Variants in ZNF793 observed in about 807,000 individuals in gnomAD.
ZNF793 encodes the protein zinc finger protein 793.
ZNF793 carries 5 observed loss-of-function variants against 12.4 expected under a neutral mutation model. The observed-to-expected ratio is 0.40, with a 90% CI of 0.21 to 0.84. The LOEUF (loss-of-function observed/expected upper bound fraction) is 0.84. Ranked by LOEUF, ZNF793 falls within the 40% of genes least tolerant of loss-of-function variation. The pLI is 0.35. For missense variants in ZNF793, 456 were observed against 495.0 expected, an observed-to-expected ratio of 0.92 and a Z score of 0.75; for synonymous variants, 162 against 172.4, an observed-to-expected ratio of 0.94 and a Z score of 0.47.
intron 5 of ZNF793, among the ~76,000 whole-genome samples, chr19:37,530,082 A>T (rs938904231): frequency 1.4e-4 from 22 of 152,206 alleles, no homozygotes; most frequent in African/African-American, 5.3e-4. Context: ...TCTCTGCATC[A>T]TAGACAAGGT....
rs577662455 is a variant in ZNF793, at chr19:37,517,537, A to G, written c.-275-2647A>G. Among the ~76,000 whole-genome samples the G allele has an allele frequency of 1.2e-4, 18 of 152,130 alleles. No individual in the cohort carries two copies. The South Asian group carries it at 3.7e-3, about 32-fold the overall frequency. On this transcript the variant is annotated intron_variant, in intron 2 of 7. Transcript: ENST00000627814. ...GCAAATCTGTCTCTGAGAGGCAGCA[A>G]GACTGAGAAGTTATAAACCCAAGCG...
intron 5 of ZNF793, among the ~76,000 whole-genome samples, chr19:37,527,378 G>T (rs1289263599): frequency 1.3e-5 from 2 of 152,102 alleles, no homozygotes; most frequent in Admixed American, 1.3e-4. Flanking sequence ...CTTTCTTACA[G>T]ATTTCAAAAT....
Position 37,523,471 on chromosome 19 carries a change from G to A in ZNF793, c.15+17G>A, listed in dbSNP as rs770778541. On this transcript the variant is annotated intron_variant, in intron 5 of 7. Coordinates refer to ENST00000627814, the MANE Select transcript of ZNF793 (RefSeq NM_001013659.3). ...GAATACCAGGTAAGTATCACATTAA[G>A]TAGCCCAGTTTTCCTTCCTGGGGAA... The A allele has an allele frequency of 1.4e-5, 23 of 1,613,014 alleles. No individual in the cohort carries two copies. Among genetic ancestry groups the A allele is most frequent in the Non-Finnish European group, 1.5e-5 (18 of 1,179,162 alleles).
rs907522285 is a variant in ZNF793 at position 37,538,599 on chromosome 19, G to A, written c.*720G>A. On this transcript the variant is annotated 3_prime_UTR_variant, in exon 8 of 8. Transcript: ENST00000627814. ...TGGGATTACAGGCATGAGCCAACGC[G>A]CCCAACCGACAGTGTTGTATCATAA... 13 of 151,688 alleles carry A rather than the reference G, an allele frequency of 8.6e-5. No individual in the cohort carries two copies. The highest frequency in any genetic ancestry group is 2.1e-4 in the South Asian group (1 of 4,814). 9.4% of individuals were successfully genotyped at this position (151,688 alleles called of 1,614,324 possible).
At chr19:37,528,893 A>C (rs1204346409) in intron 5 of ZNF793, among the ~76,000 whole-genome samples, 1 of 152,036 alleles carries the variant, frequency 6.6e-6, no homozygotes, top group Non-Finnish European at 1.5e-5. Flanking sequence ...GAGGAATCTC[A>C]CTTTTGTGCT....
intron 5 of ZNF793, among the ~76,000 whole-genome samples, chr19:37,524,986 C>G (rs1302875985): frequency 6.6e-6 from 1 of 152,148 alleles, no homozygotes; most frequent in Admixed American, 6.6e-5. Flanking sequence ...CAAGTGCTAG[C>G]TCCCCAATGA....
rs1236951775 is a variant in ZNF793, at chr19:37,540,531, T to C, written c.*2652T>C. On this transcript the variant is annotated 3_prime_UTR_variant, in exon 8 of 8. Transcript: ENST00000627814. Reference sequence around the variant, plus strand: ...ATGTGTTAATTTACATTGTAATAGATGGGAACCACTTAAAGCGGTTTTTCT... The same window carrying C: ...ATGTGTTAATTTACATTGTAATAGACGGGAACCACTTAAAGCGGTTTTTCT... The C allele has an allele frequency of 1.0e-5, 1 of 97,608 alleles. No individual in the cohort carries two copies. Among genetic ancestry groups the C allele is most frequent in the African/African-American group, 2.9e-5 (1 of 33,930 alleles). The allele number at this position is 97,608 out of a possible 1,614,324, so 6.0% of individuals were successfully genotyped here.
chr19:37,522,372 A>G (rs1481356172), intron 3 of ZNF793, among the ~76,000 whole-genome samples, 160 bp from the exon 4 acceptor site: 1 of 151,850 alleles, frequency 6.6e-6, no homozygotes, highest in Non-Finnish European at 1.5e-5. Flanking sequence ...AAATTTTTGT[A>G]TTTTTAGTAG....
At chr19:37,507,035 G>A (rs2042254288) in intron 1 of ZNF793, 69 bp downstream of exon 1, 1 of 152,340 alleles carries the variant, frequency 6.6e-6, no homozygotes, top group African/African-American at 2.4e-5. Context: ...GGGAAGGCAC[G>A]GTTTGAGAAA....
intron 5 of ZNF793, among the ~76,000 whole-genome samples, chr19:37,531,117 C>T (rs1283433041): frequency 2.0e-5 from 3 of 152,054 alleles, no homozygotes; most frequent in Non-Finnish European, 1.5e-5. Flanking sequence ...GCATACACTT[C>T]TTCTTGGATG....
At chr19:37,530,672 A>C (rs888817778) in intron 5 of ZNF793, among the ~76,000 whole-genome samples, 3 of 152,202 alleles carry the variant, frequency 2.0e-5, no homozygotes, top group Non-Finnish European at 4.4e-5. Context: ...ATCTCAAGGC[A>C]GAAGAATTTT....
rs2042539058 is a variant in ZNF793, at chr19:37,539,724, ATAAACT to A, written c.*1849_*1854del. On this transcript the variant is annotated 3_prime_UTR_variant, in exon 8 of 8. Transcript: ENST00000627814. ...AAAAGAGGAGGTGGATGCTTTTCTA[ATAAACT>A]TAAGTTATGAAAACTGCAATAAGAA... The A allele has an allele frequency of 6.6e-6, 1 of 152,220 alleles. No homozygotes were observed. Among genetic ancestry groups the A allele is most frequent in the South Asian group, 2.1e-4 (1 of 4,832 alleles). The allele number at this position is 152,220 out of a possible 1,614,324, so 9.4% of individuals were successfully genotyped here.
At chr19:37,518,430 C>T (rs1370932833) in intron 2 of ZNF793, among the ~76,000 whole-genome samples, 2 of 151,954 alleles carry the variant, frequency 1.3e-5, no homozygotes, top group African/African-American at 4.8e-5. Flanking sequence ...ACCTGGCCTC[C>T]ACTACTATTT....
At chr19:37,528,740 C>T (rs937712117) in intron 5 of ZNF793, among the ~76,000 whole-genome samples, 5 of 152,090 alleles carry the variant, frequency 3.3e-5, no homozygotes, top group Non-Finnish European at 2.9e-5. Context: ...GCCCATAACC[C>T]GAGGCCTGCC....
intron 2 of ZNF793, among the ~76,000 whole-genome samples, chr19:37,513,861 T>C (rs1452572162): frequency 4.6e-5 from 7 of 152,198 alleles, no homozygotes; most frequent in Admixed American, 2.6e-4. Flanking sequence ...CCAACTGTGA[T>C]TGATTTTCTG....
In ZNF793 at chr19:37,540,960, T is replaced by C. The variant is rs1040536451; in HGVS notation, c.*3081T>C. The C allele has an allele frequency of 1.3e-5, 2 of 151,906 alleles. No homozygotes were observed. Among genetic ancestry groups the C allele is most frequent in the African/African-American group, 4.8e-5 (2 of 41,400 alleles). 9.4% of individuals were successfully genotyped at this position (151,906 alleles called of 1,614,324 possible). On this transcript the variant is annotated 3_prime_UTR_variant, in exon 8 of 8. Transcript: ENST00000627814. ...ACCCAATAAATATATACAACAATTA[T>C]ATATCTATAATAATTAAAAATTTTT... is the stretch of plus-strand genomic sequence containing the variant.
chr19:37,518,095 C>T (rs2042346655), intron 2 of ZNF793, among the ~76,000 whole-genome samples: 1 of 151,982 alleles, frequency 6.6e-6, no homozygotes, highest in South Asian at 2.1e-4. Flanking sequence ...AATGCAGTTC[C>T]AAGTCGGAGT....
intron 1 of ZNF793, among the ~76,000 whole-genome samples, chr19:37,508,019 C>T (rs1048829303): frequency 6.6e-6 from 1 of 152,142 alleles, no homozygotes; most frequent in Non-Finnish European, 1.5e-5. Flanking sequence ...GGCTGCAAGC[C>T]TGCATAGCGG....
intron 1 of ZNF793, chr19:37,507,442 G>A (rs982485063): frequency 2.6e-5 from 4 of 152,240 alleles, no homozygotes; most frequent in Admixed American, 2.6e-4. Context: ...GGCAGTAATA[G>A]TTTGGGTACT....
Sources: allele counts gnomAD v4.1 joint callset (sites outside exome capture counted in the v4.1 genomes callset), GRCh38; gene constraint gnomAD v4.1.1; transcripts MANE v1.5; gene names NCBI Gene and HGNC (gene_info 2026-07-23, HGNC 2026-07-21).